Variants in ARID3A observed in about 807,000 individuals in gnomAD.
ARID3A encodes AT-rich interactive domain-containing protein 3A.
ARID3A carries 11 observed loss-of-function variants against 52.7 expected under a neutral mutation model. That is an observed-to-expected ratio of 0.21 (90% CI 0.13 to 0.35). ARID3A has a LOEUF of 0.35. Ranked by LOEUF, ARID3A falls within the 10% of genes least tolerant of loss-of-function variation. The pLI is 1.00. For synonymous variants in ARID3A, 404 were observed against 359.4 expected (o/e 1.12, Z -1.40); for missense variants, 721 against 838.5 (o/e 0.86, Z 1.73).
chr19:964,288 C>G lies in ARID3A; in HGVS notation c.807C>G (p.Val269=). The change falls in exon 5 of 9, where the codon GTC becomes GTG. Residue 269 remains valine (V), a synonymous_variant. Coordinates refer to ENST00000263620, the MANE Select transcript of ARID3A (RefSeq NM_005224.3). The surrounding 1 kb of genome is among the most constrained non-coding windows in gnomAD (Gnocchi z 5.7). ...VNRIPIMAKQ[V]LDLFMLYVLV... Reference sequence around the variant, plus strand: ...GCATCCCCATCATGGCCAAACAGGTCCTTGACCTGTTCATGCTGTACGTGC... The same window carrying G: ...GCATCCCCATCATGGCCAAACAGGTGCTTGACCTGTTCATGCTGTACGTGC... 1 of 1,614,044 alleles carries G rather than the reference C, an allele frequency of 6.2e-7. No homozygotes were observed. The highest frequency in any genetic ancestry group is 1.1e-5 in the South Asian group (1 of 91,074).
At chr19:926,479 C>A (rs980909628) in intron 1 of ARID3A, among the ~76,000 whole-genome samples, 7 of 146,006 alleles carry the variant, frequency 4.8e-5, no homozygotes, top group African/African-American at 1.8e-4. Context: ...AGGAAATGGT[C>A]TCTGCGCGCG....
At chr19:954,623 G>A (rs919938123) in intron 3 of ARID3A, among the ~76,000 whole-genome samples, 1 of 152,050 alleles carries the variant, frequency 6.6e-6, no homozygotes, top group African/African-American at 2.4e-5. Context: ...AAGGGGGGCC[G>A]TGAGCCAGAA....
intron 3 of ARID3A, among the ~76,000 whole-genome samples, chr19:932,965 G>C (rs2037364978): frequency 6.6e-6 from 1 of 152,218 alleles, no homozygotes; most frequent in Non-Finnish European, 1.5e-5. Context: ...ACCCGGCCGG[G>C]TAGGAGAAAC....
intron 2 of ARID3A, among the ~76,000 whole-genome samples, chr19:931,812 C>CA (rs1424619055): frequency 1.6e-5 from 2 of 121,490 alleles, no homozygotes; most frequent in Non-Finnish European, 3.4e-5. Flanking sequence ...GACTCCCTCT[C>CA]AAAAAAAAGA....
rs186887721 is a variant in ARID3A, at chr19:973,489, C to A, written c.*1424C>A. The stretch of plus-strand genomic sequence containing the variant: ...GGGGCGGGGGTGGTTCTTGTCGAAG[C>A]CCCCAGGCTCCTGTCTCAGGGATGA... On this transcript the variant is annotated 3_prime_UTR_variant, in exon 9 of 9. Transcript: ENST00000263620. 5.3e-3 allele frequency: 1,145 copies of A among 216,004 alleles called. 4 individuals are homozygous for A. The highest frequency in any genetic ancestry group is 7.6e-3 in the Non-Finnish European group (817 of 107,140). The allele number at this position is 216,004 out of a possible 1,614,324, so 13.4% of individuals were successfully genotyped here. A position where few individuals can be genotyped will look rare whatever the true frequency, so the allele number is the denominator to read the frequency against.
At chr19:936,130 C>T (rs2145367731) in intron 3 of ARID3A, among the ~76,000 whole-genome samples, 1 of 152,356 alleles carries the variant, frequency 6.6e-6, no homozygotes, top group Admixed American at 6.5e-5. Context: ...AATCACAGAT[C>T]TTCAGCTGCT....
In ARID3A at chr19:964,757, T is replaced by A; in HGVS notation, c.951-76T>A. The stretch of plus-strand genomic sequence containing the variant: ...CAGGGATGGTGGTGCCACAGTGGGG[T>A]TTACTTTGTACTGAAGGCCAAAGAG... On this transcript the variant is annotated intron_variant, in intron 5 of 8. Transcript: ENST00000263620. This position sits in a 1 kb window ranked among gnomAD's most constrained non-coding sequence, Gnocchi z 5.7. 1 of 1,539,200 alleles carries A rather than the reference T, an allele frequency of 6.5e-7. No individual in the cohort carries two copies. The highest frequency in any genetic ancestry group is 2.3e-5 in the East Asian group (1 of 43,592).
chr19:948,204 G>A (rs1342724360), intron 3 of ARID3A, among the ~76,000 whole-genome samples: 2 of 151,186 alleles, frequency 1.3e-5, no homozygotes, highest in African/African-American at 4.9e-5. Flanking sequence ...GGGAAGTCCG[G>A]GCCCTTTTTG....
intron 3 of ARID3A, among the ~76,000 whole-genome samples, chr19:948,019 G>A (rs1029508805): frequency 2.0e-5 from 3 of 152,136 alleles, no homozygotes; most frequent in Admixed American, 1.3e-4. Context: ...CAGAGAGGGC[G>A]GGGAAGGGCC....
chr19:964,803 T>A lies in ARID3A; in HGVS notation c.951-30T>A. 6.2e-7 allele frequency: 1 copy of A among 1,603,056 alleles called. No homozygotes were observed. Among genetic ancestry groups the A allele is most frequent in the South Asian group, 1.1e-5 (1 of 90,372 alleles). On this transcript the variant is annotated intron_variant, in intron 5 of 8. Transcript: ENST00000263620. The surrounding 1 kb of genome is among the most constrained non-coding windows in gnomAD (Gnocchi z 5.7). ...AAGAGAGCCGTAGGGGTGACCCGGG[T>A]GCCATCCTCTTCCCTCGTCCCACCC...
At position 968,287 on chromosome 19, in the gene ARID3A, A is replaced by T. The variant is rs984332138; in HGVS notation, c.1496-118A>T. On this transcript the variant is annotated intron_variant, in intron 7 of 8. Transcript: ENST00000263620. ...GGCAGGAGAATGGCGTGAACCCAGG[A>T]GGCAGAGCTTGCAGTGAGCTGAGAT... is the stretch of plus-strand genomic sequence containing the variant. 8 of 762,370 alleles carry T rather than the reference A, an allele frequency of 1.0e-5. No homozygotes were observed. In the African/African-American group the frequency reaches 1.3e-4, roughly 12 times the overall value. The allele number at this position is 762,370 out of a possible 1,614,324, so 47.2% of individuals were successfully genotyped here. A position where few individuals can be genotyped will look rare whatever the true frequency, so the allele number is the denominator to read the frequency against.
chr19:941,431 C>T lies in ARID3A; in HGVS notation c.693+8689C>T, dbSNP rs559141548. 3.1e-4 allele frequency among the ~76,000 whole-genome samples: 47 copies of T among 152,280 alleles called. No individual in the cohort carries two copies. The highest frequency in any genetic ancestry group is 1.1e-3 in the African/African-American group (47 of 41,568). On this transcript the variant is annotated intron_variant, in intron 3 of 8. Transcript: ENST00000263620. The surrounding 1 kb of genome is among the most constrained non-coding windows in gnomAD (Gnocchi z 6.9). ...TGTGTGCACCCAGCCAGCGGCACCT[C>T]ACGCGCCCGCCTGCGTGTCCCCAGC...
At chr19:951,134 TAAA>T (rs1294050280) in intron 3 of ARID3A, among the ~76,000 whole-genome samples, 1 of 152,070 alleles carries the variant, frequency 6.6e-6, no homozygotes, top group African/African-American at 2.4e-5. Flanking sequence ...GATTCTTTCT[TAAA>T]GAAGAGACGG....
intron 1 of ARID3A, among the ~76,000 whole-genome samples, chr19:927,979 C>A (rs2037236321): frequency 6.6e-6 from 1 of 152,106 alleles, no homozygotes; most frequent in South Asian, 2.1e-4. Flanking sequence ...CCACAGGACT[C>A]TCTTGTCCGG....
At position 946,348 on chromosome 19, in the gene ARID3A, G is replaced by A. The variant is rs541906534; in HGVS notation, c.693+13606G>A. Reference sequence around the variant, plus strand: ...GCGATCTTGGCTCACTGCAAGCTCCGCCTCCCGGGTTCAAGCGATTCTCCT... The same window carrying A: ...GCGATCTTGGCTCACTGCAAGCTCCACCTCCCGGGTTCAAGCGATTCTCCT... On this transcript the variant is annotated intron_variant, in intron 3 of 8. Transcript: ENST00000263620. 3.3e-5 allele frequency among the ~76,000 whole-genome samples: 5 copies of A among 151,574 alleles called. No homozygotes were observed. In the East Asian group the frequency reaches 9.7e-4, roughly 29 times the overall value.
Position 968,322 on chromosome 19 carries a change from G to T in ARID3A, c.1496-83G>T, listed in dbSNP as rs974922770. 3 of 1,206,824 alleles carry T rather than the reference G, an allele frequency of 2.5e-6. No homozygotes were observed. The African/African-American group carries it at 4.7e-5, about 19-fold the overall frequency. 74.8% of individuals were successfully genotyped at this position (1,206,824 alleles called of 1,614,324 possible). The stretch of plus-strand genomic sequence containing the variant: ...TGCAGTGAGCTGAGATCGCGCCACT[G>T]CACTCCAGCCTGGGCAACAGAGCAA... On this transcript the variant is annotated intron_variant, in intron 7 of 8. Coordinates refer to ENST00000263620, the MANE Select transcript of ARID3A (RefSeq NM_005224.3).
At chr19:955,654 G>A (rs934103886) in intron 3 of ARID3A, among the ~76,000 whole-genome samples, 1 of 152,154 alleles carries the variant, frequency 6.6e-6, no homozygotes, top group Non-Finnish European at 1.5e-5. Context: ...TTTGAGAGAT[G>A]GGGAAACTGA....
chr19:962,734 C>T (rs1040519165), intron 4 of ARID3A, among the ~76,000 whole-genome samples: 27 of 151,998 alleles, frequency 1.8e-4, no homozygotes, highest in Non-Finnish European at 2.9e-4. Flanking sequence ...AGGCTGGTCT[C>T]GAACTCCTGA....
intron 1 of ARID3A, among the ~76,000 whole-genome samples, chr19:926,874 T>C (rs992596898): frequency 7.3e-5 from 11 of 151,524 alleles, no homozygotes; most frequent in African/African-American, 2.7e-4. Context: ...GCGCTCGGGC[T>C]GGAGGGGTTC....
Sources: gnomAD v4.1 joint callset for allele counts (sites outside exome capture counted in the v4.1 genomes callset) on GRCh38, gnomAD v4.1.1 for gene constraint, Gnocchi (gnomAD v3.1) non-coding constraint, MANE v1.5 for transcripts, NCBI Gene and HGNC (gene_info 2026-07-23, HGNC 2026-07-21) for gene names.